The following LAMA3 variants were observed in gnomAD, a reference collection of about 807,000 sequenced individuals.
The protein encoded by LAMA3 is laminin subunit alpha 3.
Under a neutral mutation model 402.0 loss-of-function variants are expected in LAMA3, and 281 were observed. The ratio of observed to expected loss-of-function variants is 0.70; its 90% confidence interval spans 0.63 to 0.77. LAMA3 has a LOEUF of 0.77. Ranked by LOEUF, LAMA3 falls within the 30% of genes least tolerant of loss-of-function variation. The pLI is 0.00. For synonymous variants in LAMA3, 1,431 were observed against 1,558.4 expected (o/e 0.92, Z 1.93); for missense variants, 3,840 against 4,215.5 (o/e 0.91, Z 2.47).
Position 23,833,862 on chromosome 18 carries a change from T to C in LAMA3, c.2858T>C (p.Val953Ala), listed in dbSNP as rs1179318032. ...CATCTGCGGCTGCGCATCCCACAGG[T>C]TGGCCACTACGTGGTTGTGGTCGAG... ...ELHLRLRIPQ[V>A]GHYVVVVEYS... Residue 953 changes from valine (V) to alanine (A), a missense_variant, in exon 24 of 75, where the codon GTT (valine) becomes GCT (alanine). Physicochemically the swap from Val to Ala is moderately conservative, Grantham distance 64 (BLOSUM62 0). Around this residue, in one of 3 missense-constraint regions of LAMA3, gnomAD observed 2,109 missense variants for 2,376.0 expected, o/e 0.89. Coordinates refer to ENST00000313654, the MANE Select transcript of LAMA3 (RefSeq NM_198129.4). 2 of 1,613,780 alleles carry C rather than the reference T, an allele frequency of 1.2e-6. No individual in the cohort carries two copies. The highest frequency in any genetic ancestry group is 1.7e-4 in the Middle Eastern group (1 of 5,740).
intron 1 of LAMA3, among the ~76,000 whole-genome samples, chr18:23,695,345 C>T (rs1039798046): frequency 1.3e-5 from 2 of 152,172 alleles, no homozygotes; most frequent in African/African-American, 4.8e-5. Context: ...ATTGACCATT[C>T]AGTGTATGCG....
rs1394462868 is a variant in LAMA3 at position 23,753,773 on chromosome 18, G to C, written c.908G>C (p.Gly303Ala). Residue 303 changes from glycine (G) to alanine (A), a missense_variant, in exon 6 of 75, where the codon GGC (glycine) becomes GCC (alanine). Physicochemically the swap from Gly to Ala is moderately conservative, Grantham distance 60 (BLOSUM62 0). Coordinates refer to ENST00000313654, the MANE Select transcript of LAMA3 (RefSeq NM_198129.4). ...ISIGGQCVCN[G>A]HAEVCNINNP... Reference sequence around the variant, plus strand: ...ATTGGTGGGCAGTGTGTTTGCAATGGCCATGCTGAAGTGTGCAATATAAAC... The same window carrying C: ...ATTGGTGGGCAGTGTGTTTGCAATGCCCATGCTGAAGTGTGCAATATAAAC... 9 of 1,613,888 alleles carry C rather than the reference G, an allele frequency of 5.6e-6. No individual in the cohort carries two copies. Among genetic ancestry groups the C allele is most frequent in the Non-Finnish European group, 7.6e-6 (9 of 1,179,798 alleles).
chr18:23,837,138 C>A, intron 25 of LAMA3, 49 bp downstream of exon 25: 1 of 1,298,620 alleles, frequency 7.7e-7, no homozygotes, highest in Non-Finnish European at 1.1e-6. Context: ...TTGCTGATAT[C>A]TATATTTTTT....
intron 2 of LAMA3, among the ~76,000 whole-genome samples, chr18:23,714,477 G>A (rs548426754): frequency 2.6e-5 from 4 of 152,134 alleles, no homozygotes; most frequent in African/African-American, 4.8e-5. Flanking sequence ...CCAAGATCGC[G>A]CCACTGCACT....
intron 1 of LAMA3, chr18:23,710,139 T>C (rs754103382): frequency 2.1e-5 from 15 of 699,846 alleles, no homozygotes; most frequent in Non-Finnish European, 3.2e-5. Flanking sequence ...AGTCGCCGTG[T>C]CGTGGGCCGC....
chr18:23,731,771 A>G (rs541450876), intron 2 of LAMA3, among the ~76,000 whole-genome samples: 1 of 106,224 alleles, frequency 9.4e-6, no homozygotes, highest in African/African-American at 2.7e-5. Flanking sequence ...CTACTAGAGG[A>G]GGGAGGGAGG....
chr18:23,760,077 C>T (rs7244162), intron 7 of LAMA3, among the ~76,000 whole-genome samples: 120,209 of 152,164 alleles, frequency 0.79, 48,146 homozygotes, highest in African/African-American at 0.93. Context: ...TGAATTCCAG[C>T]ATTTGCAACC....
chr18:23,757,336 C>T (rs577347059), intron 6 of LAMA3, among the ~76,000 whole-genome samples: 1 of 152,200 alleles, frequency 6.6e-6, no homozygotes, highest in African/African-American at 2.4e-5. Context: ...CCAGATCCAG[C>T]AGCTCTTCCC....
chr18:23,950,184 G>A (rs1472658456), intron 72 of LAMA3, 25 bp downstream of exon 72: 17 of 1,613,614 alleles, frequency 1.1e-5, no homozygotes, highest in Non-Finnish European at 1.4e-5. Flanking sequence ...GATGCCATGG[G>A]GAGGGTCTGT....
chr18:23,805,258 A>T (rs1378124914), intron 12 of LAMA3, among the ~76,000 whole-genome samples: 1 of 152,118 alleles, frequency 6.6e-6, no homozygotes, highest in African/African-American at 2.4e-5. Flanking sequence ...GTTTATAATA[A>T]TCTACTGTCA....
At chr18:23,903,827 T>A in intron 49 of LAMA3, 106 bp from the exon 50 acceptor site, 1 of 928,298 alleles carries the variant, frequency 1.1e-6, no homozygotes, top group South Asian at 1.4e-5. Flanking sequence ...AAATATAACA[T>A]CTCATTGTTG....
intron 2 of LAMA3, among the ~76,000 whole-genome samples, chr18:23,730,962 G>A (rs570112698): frequency 1.3e-5 from 2 of 152,168 alleles, no homozygotes; most frequent in South Asian, 4.2e-4. Flanking sequence ...TATTTCTTGG[G>A]TTTTTTCTAA....
intron 23 of LAMA3, among the ~76,000 whole-genome samples, chr18:23,829,771 C>T (rs1470580533): frequency 6.6e-6 from 1 of 152,180 alleles, no homozygotes; most frequent in African/African-American, 2.4e-5. Flanking sequence ...AACACCCCCT[C>T]CCATCCCTCC....
chr18:23,946,484 T>A, intron 70 of LAMA3, 200 bp downstream of exon 70: 1 of 643,956 alleles, frequency 1.6e-6, no homozygotes, highest in Non-Finnish European at 2.7e-6. Flanking sequence ...AAGGTGCAGG[T>A]TGAGACGCAG....
intron 33 of LAMA3, 44 bp downstream of exon 33, chr18:23,858,032 A>G (rs148503364): frequency 6.2e-7 from 1 of 1,613,164 alleles, no homozygotes; most frequent in African/African-American, 1.3e-5. Context: ...GCCGGTCAGC[A>G]GGAAAGTGCT....
At chr18:23,698,873 G>T (rs1445810395) in intron 1 of LAMA3, among the ~76,000 whole-genome samples, 1 of 152,214 alleles carries the variant, frequency 6.6e-6, no homozygotes, top group African/African-American at 2.4e-5. Context: ...GGAGACTGTA[G>T]CCGTTGAGTA....
At chr18:23,777,521 T>C in intron 10 of LAMA3, 36 bp from the exon 11 acceptor site, 1 of 1,382,392 alleles carries the variant, frequency 7.2e-7, no homozygotes, top group Non-Finnish European at 1.0e-6. Flanking sequence ...ATCTCCTTAA[T>C]CATCCTCTGT....
At chr18:23,691,309 G>A (rs2060583488) in intron 1 of LAMA3, among the ~76,000 whole-genome samples, 1 of 151,804 alleles carries the variant, frequency 6.6e-6, no homozygotes, top group African/African-American at 2.4e-5. Context: ...TTTAAAACAT[G>A]CAAAAACAGA....
chr18:23,793,097 T>C (rs1335510958), intron 12 of LAMA3, among the ~76,000 whole-genome samples: 1 of 151,980 alleles, frequency 6.6e-6, no homozygotes, highest in East Asian at 1.9e-4. Flanking sequence ...CATTAAGGAA[T>C]GGGCAGGGAT....
Sources: gnomAD v4.1 joint callset for allele counts (sites outside exome capture counted in the v4.1 genomes callset) on GRCh38, gnomAD v4.1.1 for gene constraint, gnomAD v4.1.1 regional missense constraint, MANE v1.5 for transcripts, NCBI Gene and HGNC (gene_info 2026-07-23, HGNC 2026-07-21) for gene names.